APPL2: variants seen among roughly 807,000 people sequenced by gnomAD.
APPL2 encodes the protein adaptor protein, phosphotyrosine interacting with PH domain and leucine zipper 2, also known as DCC-interacting protein 13-beta.
In APPL2, 84 loss-of-function variants were observed where a neutral mutation model predicts 92.7. That is an observed-to-expected ratio of 0.91 (90% confidence interval 0.76 to 1.09). The LOEUF (loss-of-function observed/expected upper bound fraction) is 1.09. Among genes scored for constraint, APPL2 ranks in the 50% least tolerant of loss-of-function variants. The probability of loss-of-function intolerance (pLI) is 0.00; values close to 1 mark genes in which losing one functional copy is unlikely to be tolerated. For synonymous variants in APPL2, 291 were observed against 291.0 expected (o/e 1.00, Z 0.00); for missense variants, 736 against 824.5 (o/e 0.89, Z 1.31).
In APPL2 at chr12:105,217,132, A is replaced by G. The variant is rs909695291; in HGVS notation, c.222T>C (p.Ala74=). Residue 74 remains alanine, a synonymous_variant, in exon 4 of 21, where the codon GCT becomes GCC. Coordinates refer to ENST00000258530, the MANE Select transcript of APPL2 (RefSeq NM_018171.5). ...TTACTTCTTCATCACCTTTGCCAAG[A>G]GCAAAGTTCTAAGACCAAAGAATAA... is the stretch of plus-strand genomic sequence containing the variant. ...QLLAYEKQNF[A]LGKGDEEVIS... 1 of 1,608,742 alleles carries G rather than the reference A, an allele frequency of 6.2e-7. No homozygotes were observed. The highest frequency in any genetic ancestry group is 8.5e-7 in the Non-Finnish European group (1 of 1,176,974).
chr12:105,198,107 C>G (rs540984761), intron 10 of APPL2, among the ~76,000 whole-genome samples, 154 bp from the exon 11 acceptor site: 21 of 152,274 alleles, frequency 1.4e-4, no homozygotes, highest in Admixed American at 7.2e-4. Flanking sequence ...GTGGAAAGAG[C>G]AGCAGAAGGG....
chr12:105,229,008 G>T, intron 2 of APPL2, 117 bp downstream of exon 2: 1 of 873,156 alleles, frequency 1.1e-6, no homozygotes, highest in Non-Finnish European at 1.7e-6. Context: ...TTCTGATTTT[G>T]TTTCAAAATC....
At chr12:105,181,105 A>C (rs1188744825) in intron 17 of APPL2, among the ~76,000 whole-genome samples, 2 of 152,206 alleles carry the variant, frequency 1.3e-5, no homozygotes, top group Non-Finnish European at 2.9e-5. Context: ...AGTTTGTCAT[A>C]AATAGCTCAT....
intron 19 of APPL2, 65 bp from the exon 20 acceptor site, chr12:105,176,147 T>C: frequency 6.9e-7 from 1 of 1,441,884 alleles, no homozygotes; most frequent in South Asian, 1.2e-5. Flanking sequence ...AGAACAAATG[T>C]GATTTGGGAG....
chr12:105,223,722 T>C (rs187623753), intron 2 of APPL2, among the ~76,000 whole-genome samples: 1 of 152,326 alleles, frequency 6.6e-6, no homozygotes, highest in Admixed American at 6.5e-5. Context: ...TAAACTTCTA[T>C]TTAACCCAAA....
intron 9 of APPL2, among the ~76,000 whole-genome samples, chr12:105,202,906 T>A (rs902037705): frequency 6.6e-6 from 1 of 152,198 alleles, no homozygotes; most frequent in Non-Finnish European, 1.5e-5. Flanking sequence ...CTTCATGAGG[T>A]GTGGTGAAAT....
At chr12:105,227,399 T>G (rs1464161929) in intron 2 of APPL2, among the ~76,000 whole-genome samples, 1 of 152,210 alleles carries the variant, frequency 6.6e-6, no homozygotes, top group African/African-American at 2.4e-5. Flanking sequence ...CTTTATCCAC[T>G]TTGATGTCCC....
At position 105,197,009 on chromosome 12, in the gene APPL2, C is replaced by T. The variant is rs140098017; in HGVS notation, c.1052+756G>A. Among the ~76,000 whole-genome samples the T allele has an allele frequency of 9.3e-4, 142 of 152,244 alleles. 2 individuals are homozygous for T. The East Asian group carries it at 0.02, about 22-fold the overall frequency. ...TCCCAATGCCGTCCCCACCCCTACC[C>T]CTGCTGTTCAGGTCAAATCTTAATA... On this transcript the variant is annotated intron_variant, in intron 11 of 20. Transcript: ENST00000258530.
At chr12:105,216,730 T>C (rs1314199086) in intron 4 of APPL2, among the ~76,000 whole-genome samples, 1 of 152,228 alleles carries the variant, frequency 6.6e-6, no homozygotes, top group Non-Finnish European at 1.5e-5. Context: ...TACAGCACAC[T>C]GGGAGGGAAT....
In APPL2 at chr12:105,200,487, G is replaced by A. The variant is rs907210287; in HGVS notation, c.705-956C>T. On this transcript the variant is annotated intron_variant, in intron 9 of 20. Coordinates refer to ENST00000258530, the MANE Select transcript of APPL2 (RefSeq NM_018171.5). Reference sequence around the variant, plus strand: ...AAGTGGGCGGATGGCCTGGCTCTGGGACATTAGCCCCTGGCTTTCATGGAG... The same window carrying A: ...AAGTGGGCGGATGGCCTGGCTCTGGAACATTAGCCCCTGGCTTTCATGGAG... Among the ~76,000 whole-genome samples, 3 of 152,260 alleles carry A rather than the reference G, an allele frequency of 2.0e-5. No homozygotes were observed. The South Asian group carries it at 6.2e-4, about 31-fold the overall frequency.
At chr12:105,175,882 A>G (rs569183460) in intron 20 of APPL2, among the ~76,000 whole-genome samples, 153 bp downstream of exon 20, 1 of 152,270 alleles carries the variant, frequency 6.6e-6, no homozygotes, top group Non-Finnish European at 1.5e-5. Flanking sequence ...TAGCTGATCA[A>G]AAACCTCTGG....
intron 14 of APPL2, 150 bp downstream of exon 14, chr12:105,195,111 T>G (rs1592779449): frequency 6.6e-5 from 47 of 714,044 alleles, no homozygotes. Flanking sequence ...CACAGGCAGG[T>G]ATTTAACCTT....
intron 2 of APPL2, 67 bp downstream of exon 2, chr12:105,229,058 A>G: frequency 1.5e-6 from 2 of 1,327,452 alleles, no homozygotes; most frequent in Non-Finnish European, 2.1e-6. Flanking sequence ...TCAACCTCTG[A>G]GGGAAGTTCA....
At chr12:105,215,598 TAC>T (rs1301547536) in intron 4 of APPL2, among the ~76,000 whole-genome samples, 1 of 152,220 alleles carries the variant, frequency 6.6e-6, no homozygotes, top group African/African-American at 2.4e-5. Flanking sequence ...ATGCAATCAG[TAC>T]AGTTTTATAT....
At chr12:105,198,069 T>TTTCC (rs1417410319) in intron 10 of APPL2, 116 bp from the exon 11 acceptor site, 1 of 1,081,522 alleles carries the variant, frequency 9.2e-7, no homozygotes, top group Non-Finnish European at 1.3e-6. Context: ...TGTTTCTTTA[T>TTTCC]ATCGTTAAAG....
rs143353224 is a variant in APPL2 at position 105,229,205 on chromosome 12, C to T, written c.73G>A (p.Val25Met). The T allele has an allele frequency of 6.8e-6, 11 of 1,613,482 alleles. No homozygotes were observed. Among genetic ancestry groups the T allele is most frequent in the Non-Finnish European group, 9.3e-6 (11 of 1,179,812 alleles). ...AGGGTGCCAGCATCTTCTTCAAACACGCTCAGTAAAGAGCGAGTCTGGAAG... is the reference window on the plus strand; with the variant it reads ...AGGGTGCCAGCATCTTCTTCAAACATGCTCAGTAAAGAGCGAGTCTGGAAG... ...DSPQTRSLLS[V>M]FEEDAGTLTD... Residue 25 changes from valine to methionine, a missense_variant, in exon 2 of 21, where the codon GTG becomes ATG. Physicochemically the swap from Val to Met is conservative, Grantham distance 21. Transcript: ENST00000258530.
At chr12:105,216,682 T>C (rs1018924449) in intron 4 of APPL2, among the ~76,000 whole-genome samples, 26 of 152,200 alleles carry the variant, frequency 1.7e-4, no homozygotes, top group Admixed American at 5.2e-4. Flanking sequence ...ACGGAAGCAG[T>C]GTGGCCCTGC....
At chr12:105,234,562 T>C (rs873119) in intron 1 of APPL2, among the ~76,000 whole-genome samples, 25,768 of 152,214 alleles carry the variant, frequency 0.17, 2,402 homozygotes, top group Non-Finnish European at 0.2. Flanking sequence ...GTTAGTATAA[T>C]CACTGTAACC....
intron 4 of APPL2, among the ~76,000 whole-genome samples, chr12:105,214,938 T>C (rs1459707099): frequency 6.6e-6 from 1 of 152,156 alleles, no homozygotes; most frequent in Non-Finnish European, 1.5e-5. Flanking sequence ...TTCCAGGTCA[T>C]TAAAACACCT....
Sources: gnomAD v4.1 joint callset for allele counts (sites outside exome capture counted in the v4.1 genomes callset) on GRCh38, gnomAD v4.1.1 for gene constraint, MANE v1.5 for transcripts, NCBI Gene and HGNC (gene_info 2026-07-23, HGNC 2026-07-21) for gene names.